RANGAP1: variants seen among roughly 807,000 people sequenced by gnomAD.
RANGAP1 encodes ran GTPase-activating protein 1.
Under a neutral mutation model 63.5 loss-of-function variants are expected in RANGAP1, and 38 were observed. The observed-to-expected ratio is 0.60, with a 90% CI of 0.46 to 0.78. The LOEUF is 0.78. Among genes scored for constraint, RANGAP1 ranks in the 30% least tolerant of loss-of-function variants. The pLI, the probability that RANGAP1 is intolerant of heterozygous loss-of-function variation, is 0.00. For missense variants in RANGAP1, 630 were observed against 740.3 expected, an observed-to-expected ratio of 0.85 and a Z score of 1.73; for synonymous variants, 329 against 310.5, an observed-to-expected ratio of 1.06 and a Z score of -0.63.
intron 3 of RANGAP1, among the ~76,000 whole-genome samples, chr22:41,270,891 C>A (rs999502207): frequency 2.6e-5 from 4 of 152,048 alleles, no homozygotes; most frequent in Non-Finnish European, 5.9e-5. Flanking sequence ...ACAACAGATA[C>A]CGGCAGGTCA....
intron 11 of RANGAP1, among the ~76,000 whole-genome samples, chr22:41,254,042 A>G (rs1339972646): frequency 6.6e-6 from 1 of 151,052 alleles, no homozygotes; most frequent in African/African-American, 2.4e-5. Context: ...CGGGAGGCAG[A>G]GGTTGCAGTG....
rs547918303 is a variant in RANGAP1 at position 41,264,238 on chromosome 22, C to T, written c.480+426G>A. Among the ~76,000 whole-genome samples the T allele has an allele frequency of 2.0e-5, 3 of 152,276 alleles. No individual in the cohort carries two copies. In the South Asian group the frequency reaches 6.2e-4, roughly 32 times the overall value. On this transcript the variant is annotated intron_variant, in intron 5 of 15. Transcript: ENST00000356244. ...GCTCTACACTGACCTTGCCTGAGGA[C>T]ACCTCCCTGGGCAAGGCCCTGTCTA...
chr22:41,255,374 G>C (rs1230134245), intron 10 of RANGAP1, among the ~76,000 whole-genome samples: 1 of 152,164 alleles, frequency 6.6e-6, no homozygotes. Context: ...CAGGGAGCCC[G>C]ATGCTGATGG....
upstream of RANGAP1, among the ~76,000 whole-genome samples, chr22:41,287,382 G>T (rs9611543): frequency 0.48 from 63,986 of 133,188 alleles, 14,246 homozygotes; most frequent in African/African-American, 0.59. Flanking sequence ...TTTTTTTTTT[G>T]TTTTTTTTTT....
At chr22:41,295,621 G>A in the RANGAP1 span, among the ~76,000 whole-genome samples, 1 of 148,288 alleles carries the variant, frequency 6.7e-6, no homozygotes, top group Non-Finnish European at 1.5e-5. Flanking sequence ...TTGTTTATCT[G>A]CTGACCTTCC....
chr22:41,292,682 G>T, the RANGAP1 span, among the ~76,000 whole-genome samples: 1 of 152,044 alleles, frequency 6.6e-6, no homozygotes, highest in Admixed American at 6.6e-5. Flanking sequence ...GGGAGGCGGA[G>T]GTTGCATGAG....
At position 41,245,118 on chromosome 22, in the gene RANGAP1, G is replaced by T. The variant is rs950607189; in HGVS notation, c.*1485C>A. ...ACCCCCTACCGTATCAACTCACACA[G>T]AAGACAGGGGACAGGGCCAGCAGTA... On this transcript the variant is annotated 3_prime_UTR_variant, in exon 16 of 16. Transcript: ENST00000356244. Among the ~76,000 whole-genome samples the T allele has an allele frequency of 3.9e-5, 6 of 152,198 alleles. No individual in the cohort carries two copies. The highest frequency in any genetic ancestry group is 5.9e-5 in the Non-Finnish European group (4 of 68,040).
upstream of RANGAP1, chr22:41,286,260 G>T (rs2035746743): frequency 6.6e-6 from 1 of 152,280 alleles, no homozygotes; most frequent in Admixed American, 6.5e-5. Context: ...TCGAGGCCCC[G>T]GCCGGCTTGC....
intron 4 of RANGAP1, among the ~76,000 whole-genome samples, chr22:41,265,230 C>T (rs77862094): frequency 1.3e-5 from 2 of 152,206 alleles, no homozygotes; most frequent in Non-Finnish European, 2.9e-5. Context: ...GAAGCCGTGG[C>T]ATGGGCTTTG....
At chr22:41,252,313 T>C (rs959579410) in intron 12 of RANGAP1, among the ~76,000 whole-genome samples, 1 of 151,542 alleles carries the variant, frequency 6.6e-6, no homozygotes, top group African/African-American at 2.4e-5. Context: ...AAAAAATAAA[T>C]AAATAAATAA....
At chr22:41,248,317 A>G (rs2033191306) in intron 15 of RANGAP1, among the ~76,000 whole-genome samples, 1 of 152,194 alleles carries the variant, frequency 6.6e-6, no homozygotes, top group Non-Finnish European at 1.5e-5. Flanking sequence ...GCTGCAGCCC[A>G]AGGGGTGGTC....
chr22:41,275,621 A>G (rs2035089531), intron 2 of RANGAP1, among the ~76,000 whole-genome samples: 2 of 152,028 alleles, frequency 1.3e-5, no homozygotes, highest in African/African-American at 4.8e-5. Flanking sequence ...TTCACTAAAA[A>G]TACAAAAATT....
the RANGAP1 span, among the ~76,000 whole-genome samples, chr22:41,300,672 C>T: frequency 0.023 from 3,471 of 150,380 alleles, 144 homozygotes; most frequent in African/African-American, 0.077. Context: ...GGTTTCACCA[C>T]GTTGGCTAGT....
intron 4 of RANGAP1, 83 bp downstream of exon 4, chr22:41,268,014 G>C (rs1290973202): frequency 7.2e-7 from 1 of 1,382,742 alleles, no homozygotes; most frequent in Non-Finnish European, 1.0e-6. Flanking sequence ...TTAGGCTCCA[G>C]AAAGAATAAA....
the RANGAP1 span, among the ~76,000 whole-genome samples, chr22:41,295,359 A>C: frequency 4.6e-5 from 7 of 151,820 alleles, no homozygotes; most frequent in Admixed American, 4.6e-4. Context: ...TACTAAGAAA[A>C]ATTCTTCTGC....
chr22:41,265,650 G>C (rs1393121799), intron 4 of RANGAP1, among the ~76,000 whole-genome samples: 1 of 152,140 alleles, frequency 6.6e-6, no homozygotes, highest in Admixed American at 6.5e-5. Flanking sequence ...GTGATTTGAA[G>C]CTCTCCTGGA....
intron 2 of RANGAP1, among the ~76,000 whole-genome samples, chr22:41,276,659 A>G (rs1021779588): frequency 6.6e-6 from 1 of 151,100 alleles, no homozygotes; most frequent in South Asian, 2.1e-4. Context: ...ACAAAACAAA[A>G]TGAACTCAGC....
chr22:41,247,328 T>C (rs1163710082), intron 15 of RANGAP1, among the ~76,000 whole-genome samples: 1 of 152,140 alleles, frequency 6.6e-6, no homozygotes, highest in African/African-American at 2.4e-5. Flanking sequence ...GTGCTGGGAT[T>C]ATAGGCGTGA....
intron 15 of RANGAP1, among the ~76,000 whole-genome samples, chr22:41,248,154 GA>G (rs2033178619): frequency 8.3e-6 from 1 of 120,634 alleles, no homozygotes; most frequent in African/African-American, 3.1e-5. Context: ...CACTGCTATG[GA>G]AAGGGGCTCA....
Sources: allele counts gnomAD v4.1 joint callset (sites outside exome capture counted in the v4.1 genomes callset), GRCh38; gene constraint gnomAD v4.1.1; transcripts MANE v1.5; gene names NCBI Gene and HGNC (gene_info 2026-07-23, HGNC 2026-07-21).